Variants in PRR16 observed in about 807,000 individuals in gnomAD.
PRR16 encodes proline rich 16, also known as protein Largen.
PRR16 carries 6 observed loss-of-function variants against 18.2 expected under a neutral mutation model. The ratio of observed to expected loss-of-function variants is 0.33; its 90% CI spans 0.18 to 0.65. The LOEUF is 0.65. Among genes scored for constraint, PRR16 ranks in the 30% least tolerant of loss-of-function variants. The pLI is 0.74. For synonymous variants in PRR16, 151 were observed against 147.8 expected (o/e 1.02, Z -0.16); for missense variants, 412 against 376.6 (o/e 1.09, Z -0.78).
At chr5:120,624,643 G>T (rs1285930974) in intron 1 of PRR16, among the ~76,000 whole-genome samples, 15 of 152,068 alleles carry the variant, frequency 9.9e-5, no homozygotes, top group Admixed American at 9.8e-4. Context: ...CTAATTCATA[G>T]GGGTGTTATA....
At chr5:120,510,726 TTATGCTTACCTCA>T (rs1750799993) in intron 1 of PRR16, among the ~76,000 whole-genome samples, 1 of 152,164 alleles carries the variant, frequency 6.6e-6, no homozygotes, top group African/African-American at 2.4e-5. Context: ...TCTACAGGAT[TTATGCTTACCTCA>T]AATCTTGAAA....
intron 1 of PRR16, among the ~76,000 whole-genome samples, chr5:120,575,841 G>A (rs950312744): frequency 1.3e-5 from 2 of 152,088 alleles, no homozygotes; most frequent in Non-Finnish European, 2.9e-5. Context: ...ATTCAAATTA[G>A]CAAGGAGGAA....
intron 1 of PRR16, chr5:120,481,341 G>A: frequency 2.5e-6 from 1 of 397,906 alleles, no homozygotes; most frequent in Non-Finnish European, 5.0e-6. Flanking sequence ...GTGTTGCCCA[G>A]TCTGGTCTTG....
the PRR16 span, among the ~76,000 whole-genome samples, chr5:120,770,184 G>A: frequency 2.6e-5 from 4 of 151,944 alleles, no homozygotes; most frequent in African/African-American, 9.6e-5. Flanking sequence ...CCCACTTCCG[G>A]ATTTCAAAAT....
intron 1 of PRR16, among the ~76,000 whole-genome samples, chr5:120,490,684 G>C (rs913958759): frequency 6.6e-6 from 1 of 152,180 alleles, no homozygotes. Flanking sequence ...GCTTTGTTCC[G>C]TTGCTGGTGA....
chr5:120,599,693 G>T (rs1363259608), intron 1 of PRR16, among the ~76,000 whole-genome samples: 4 of 151,712 alleles, frequency 2.6e-5, no homozygotes, highest in Non-Finnish European at 5.9e-5. Flanking sequence ...TTTTGCTTGT[G>T]TTTTTCTCAC....
At chr5:120,784,296 T>C in the PRR16 span, among the ~76,000 whole-genome samples, 2 of 152,214 alleles carry the variant, frequency 1.3e-5, no homozygotes, top group African/African-American at 4.8e-5. Context: ...CTATTTTTCA[T>C]AATGGCTATA....
the PRR16 span, among the ~76,000 whole-genome samples, chr5:120,705,142 G>T: frequency 6.6e-6 from 1 of 151,920 alleles, no homozygotes; most frequent in Non-Finnish European, 1.5e-5. Context: ...TTAATTGTTT[G>T]CATTCAAAGA....
chr5:120,788,707 G>T, the PRR16 span, among the ~76,000 whole-genome samples: 1 of 152,090 alleles, frequency 6.6e-6, no homozygotes, highest in Non-Finnish European at 1.5e-5. Flanking sequence ...GCAACTCCAT[G>T]ATGAAAGATT....
the PRR16 span, among the ~76,000 whole-genome samples, chr5:120,700,592 TA>T: frequency 1.8e-4 from 27 of 151,616 alleles, no homozygotes; most frequent in East Asian, 5.3e-3. Flanking sequence ...TGGGGATAAC[TA>T]AAAAGGAGTG....
chr5:120,735,531 G>T, the PRR16 span, among the ~76,000 whole-genome samples: 1 of 152,178 alleles, frequency 6.6e-6, no homozygotes, highest in East Asian at 1.9e-4. Context: ...ATAAGTGAGA[G>T]CTTATGTGGT....
the PRR16 span, among the ~76,000 whole-genome samples, chr5:120,770,887 G>A: frequency 2.7e-5 from 4 of 149,030 alleles, no homozygotes; most frequent in Admixed American, 2.7e-4. Context: ...TAGCTTTTCT[G>A]AATTCCCATA....
intron 1 of PRR16, among the ~76,000 whole-genome samples, chr5:120,610,897 T>C (rs937285276): frequency 1.3e-5 from 2 of 152,172 alleles, no homozygotes; most frequent in African/African-American, 4.8e-5. Flanking sequence ...TTTGGAGGAC[T>C]CAGAAGAAGA....
the PRR16 span, among the ~76,000 whole-genome samples, chr5:120,695,970 C>T: frequency 6.6e-6 from 1 of 151,788 alleles, no homozygotes; most frequent in African/African-American, 2.4e-5. Flanking sequence ...CGGCCATGCA[C>T]GGTGGCTCAT....
chr5:120,746,292 C>T, the PRR16 span, among the ~76,000 whole-genome samples: 1 of 151,984 alleles, frequency 6.6e-6, no homozygotes, highest in Non-Finnish European at 1.5e-5. Context: ...GAGATATGCT[C>T]CTAGTCCTGT....
intron 1 of PRR16, among the ~76,000 whole-genome samples, chr5:120,560,464 C>G (rs1040609425): frequency 1.3e-5 from 2 of 151,804 alleles, no homozygotes; most frequent in Non-Finnish European, 2.9e-5. Context: ...GTTGAACCAT[C>G]TTTGTGTCCC....
chr5:120,626,108 T>TC (rs1366025626), intron 1 of PRR16, among the ~76,000 whole-genome samples: 2 of 152,064 alleles, frequency 1.3e-5, no homozygotes, highest in African/African-American at 4.8e-5. Flanking sequence ...AGTAACAATT[T>TC]CCCCAAGGCT....
chr5:120,702,649 G>A, the PRR16 span, among the ~76,000 whole-genome samples: 13 of 152,152 alleles, frequency 8.5e-5, no homozygotes, highest in Non-Finnish European at 1.9e-4. Context: ...TCCGTGACCG[G>A]CGCCGGAGTT....
At chr5:120,696,056 G>A in the PRR16 span, among the ~76,000 whole-genome samples, 1 of 151,992 alleles carries the variant, frequency 6.6e-6, no homozygotes, top group Admixed American at 6.6e-5. Flanking sequence ...GCCTGACAAA[G>A]ATGGTGAAAC....
Sources: gnomAD v4.1 joint callset for allele counts (sites outside exome capture counted in the v4.1 genomes callset) on GRCh38, gnomAD v4.1.1 for gene constraint, MANE v1.5 for transcripts, NCBI Gene and HGNC (gene_info 2026-07-23, HGNC 2026-07-21) for gene names.